The following GPR19 variants were observed in gnomAD, a reference collection of about 807,000 sequenced individuals.
GPR19 encodes probable G protein-coupled receptor 19.
Under a neutral mutation model 28.5 loss-of-function variants are expected in GPR19, and 14 were observed. The ratio of observed to expected loss-of-function variants is 0.49; its 90% confidence interval spans 0.32 to 0.77. The LOEUF is 0.77. GPR19 is among the 30% of genes least tolerant of loss of function. The pLI is 0.03. For synonymous variants in GPR19, 173 were observed against 184.1 expected (o/e 0.94, Z 0.49); for missense variants, 409 against 504.1 (o/e 0.81, Z 1.81).
intron 2 of GPR19, among the ~76,000 whole-genome samples, chr12:12,686,322 T>A (rs1366176053): frequency 1.3e-5 from 2 of 152,152 alleles, no homozygotes; most frequent in African/African-American, 4.8e-5. Flanking sequence ...AGGAGTGAGG[T>A]TAATTCTAGT....
rs1229785165 is a variant in GPR19, at chr12:12,695,153, C to T, written c.-180+306G>A. The stretch of plus-strand genomic sequence containing the variant: ...GTTGGAGTAAAATTACGTATTCCAT[C>T]AGCATTCTTCTGCCTTGTACTCCAG... On this transcript the variant is annotated intron_variant, in intron 2 of 3. Coordinates refer to ENST00000651487, the MANE Select transcript of GPR19 (RefSeq NM_006143.3). 2.6e-5 allele frequency among the ~76,000 whole-genome samples: 4 copies of T among 152,328 alleles called. No homozygotes were observed. The East Asian group carries it at 7.7e-4, about 29-fold the overall frequency.
intron 3 of GPR19, among the ~76,000 whole-genome samples, chr12:12,678,525 G>T (rs906917329): frequency 6.6e-6 from 1 of 152,142 alleles, no homozygotes; most frequent in Non-Finnish European, 1.5e-5. Flanking sequence ...GGGCAACTGT[G>T]AGCTTATAAC....
chr12:12,697,436 A>G (rs545968185), upstream of GPR19, among the ~76,000 whole-genome samples: 1 of 152,348 alleles, frequency 6.6e-6, no homozygotes, highest in South Asian at 2.1e-4. Context: ...ATTTCTAATG[A>G]TACATTTTAA....
At chr12:12,663,919 C>T (rs1288747259) in intron 3 of GPR19, among the ~76,000 whole-genome samples, 1 of 152,122 alleles carries the variant, frequency 6.6e-6, no homozygotes, top group African/African-American at 2.4e-5. Context: ...GTGTCTGCAC[C>T]TCACAAAGAA....
rs551115831 is a variant in GPR19, at chr12:12,672,512, C to G, written c.-22-10042G>C. Among the ~76,000 whole-genome samples the G allele has an allele frequency of 2.6e-5, 4 of 152,060 alleles. No homozygotes were observed. The East Asian group carries it at 7.7e-4, about 29-fold the overall frequency. ...CTATAATCCCAGCACTTTGGGAAGCCGAAGTGGGTGAATCACTTGAGGTTA... is the reference window on the plus strand; with the variant it reads ...CTATAATCCCAGCACTTTGGGAAGCGGAAGTGGGTGAATCACTTGAGGTTA... On this transcript the variant is annotated intron_variant, in intron 3 of 3. Coordinates refer to ENST00000651487, the MANE Select transcript of GPR19 (RefSeq NM_006143.3).
chr12:12,661,263 C>T lies in GPR19; in HGVS notation c.1186G>A (p.Glu396Lys), dbSNP rs775133146. 37 of 1,612,640 alleles carry T rather than the reference C, an allele frequency of 2.3e-5. No individual in the cohort carries two copies. Among genetic ancestry groups the T allele is most frequent in the Non-Finnish European group, 2.9e-5 (34 of 1,179,476 alleles). ...KDSIYDSFDREAKEKKLAWPI... is the reference protein window; with the variant it reads ...KDSIYDSFDRKAKEKKLAWPI... ...CAAGCAAGCTTTTTTTCCTTGGCTT[C>T]TCTGTCAAATGAGTCATAGATCGAG... Residue 396 changes from glutamate to lysine, a missense_variant, in exon 4 of 4, where the codon GAA (glutamate) becomes AAA (lysine). Transcript: ENST00000651487. This position sits in a 1 kb window ranked among gnomAD's most constrained non-coding sequence, Gnocchi z 4.2.
At chr12:12,670,151 C>A (rs1424669467) in intron 3 of GPR19, among the ~76,000 whole-genome samples, 1 of 152,132 alleles carries the variant, frequency 6.6e-6, no homozygotes, top group African/African-American at 2.4e-5. Context: ...CTTACAATGT[C>A]GACTCAGATG....
chr12:12,700,862 C>T (rs1325461195), upstream of GPR19, among the ~76,000 whole-genome samples: 1 of 152,096 alleles, frequency 6.6e-6, no homozygotes, highest in Non-Finnish European at 1.5e-5. Context: ...ATATTGATTA[C>T]ATGTTGAAAT....
the GPR19 span, among the ~76,000 whole-genome samples, chr12:12,716,420 G>A: frequency 6.6e-6 from 1 of 152,092 alleles, no homozygotes; most frequent in African/African-American, 2.4e-5. Context: ...TCAGGTAGAG[G>A]AAACTGCTAC....
chr12:12,668,137 C>T (rs1002329541), intron 3 of GPR19, among the ~76,000 whole-genome samples: 8 of 151,932 alleles, frequency 5.3e-5, no homozygotes, highest in African/African-American at 1.9e-4. Flanking sequence ...AATAATAACC[C>T]CAAAGGTTAT....
At position 12,679,946 on chromosome 12, in the gene GPR19, A is replaced by G. The variant is rs368586866; in HGVS notation, c.-23+4405T>C. 9.8e-4 allele frequency among the ~76,000 whole-genome samples: 150 copies of G among 152,342 alleles called. 1 individual carries two copies. Among genetic ancestry groups the G allele is most frequent in the South Asian group, 8.3e-3 (40 of 4,826 alleles). On this transcript the variant is annotated intron_variant, in intron 3 of 3. Transcript: ENST00000651487. The stretch of plus-strand genomic sequence containing the variant: ...AAATAAATTACACAAGAAAGGAGCT[A>G]AGGACAATGTCTGGAACAAAGCAAG...
At chr12:12,703,853 C>T in the GPR19 span, among the ~76,000 whole-genome samples, 1 of 152,158 alleles carries the variant, frequency 6.6e-6, no homozygotes, top group African/African-American at 2.4e-5. Context: ...TCACTAGAAC[C>T]AGGTGTACTT....
the GPR19 span, among the ~76,000 whole-genome samples, chr12:12,714,845 TC>T: frequency 6.6e-6 from 1 of 152,186 alleles, no homozygotes; most frequent in African/African-American, 2.4e-5. Context: ...TGTACAGATC[TC>T]CGGTGCCTTG....
intron 3 of GPR19, 59 bp downstream of exon 3, chr12:12,684,292 G>A (rs1409038959): frequency 6.6e-6 from 1 of 152,142 alleles, no homozygotes; most frequent in Non-Finnish European, 1.5e-5. Context: ...AAAAAAAGAA[G>A]GCATTATGTC....
At chr12:12,681,929 T>A (rs1174151728) in intron 3 of GPR19, among the ~76,000 whole-genome samples, 2 of 152,188 alleles carry the variant, frequency 1.3e-5, no homozygotes, top group Non-Finnish European at 2.9e-5. Context: ...GGAAAGGTAG[T>A]CTGACCCTAA....
intron 3 of GPR19, among the ~76,000 whole-genome samples, chr12:12,681,386 C>G (rs1051433792): frequency 5.3e-5 from 8 of 152,338 alleles, no homozygotes; most frequent in African/African-American, 1.9e-4. Context: ...GCTTTCACCC[C>G]TCACCTCTAG....
At chr12:12,679,468 C>G (rs1945986344) in intron 3 of GPR19, among the ~76,000 whole-genome samples, 1 of 149,928 alleles carries the variant, frequency 6.7e-6, no homozygotes, top group South Asian at 2.1e-4. Flanking sequence ...CATGGTGGTG[C>G]ATGCTTACAG....
chr12:12,700,024 GCTGGTCTTGAACAC>G (rs1946308856), upstream of GPR19, among the ~76,000 whole-genome samples: 1 of 140,154 alleles, frequency 7.1e-6, no homozygotes, highest in African/African-American at 2.7e-5. Context: ...TGTTGCTCCT[GCTGGTCTTGAACAC>G]CTGGCCTCAA....
chr12:12,665,681 C>A (rs1945761922), intron 3 of GPR19, among the ~76,000 whole-genome samples: 1 of 151,612 alleles, frequency 6.6e-6, no homozygotes, highest in Non-Finnish European at 1.5e-5. Flanking sequence ...ACTAAAAATA[C>A]AAAAAATTAG....
Sources: allele counts gnomAD v4.1 joint callset (sites outside exome capture counted in the v4.1 genomes callset), GRCh38; gene constraint gnomAD v4.1.1; non-coding constraint Gnocchi (gnomAD v3.1); transcripts MANE v1.5; gene names NCBI Gene and HGNC (gene_info 2026-07-23, HGNC 2026-07-21).